Variants in PBK observed in about 807,000 individuals in gnomAD.
The protein encoded by PBK is PDZ binding kinase.
In PBK, 22 loss-of-function variants were observed where a neutral mutation model predicts 33.5. That is an observed-to-expected ratio of 0.66 (90% CI 0.47 to 0.94). The LOEUF (loss-of-function observed/expected upper bound fraction) is 0.94. Ranked by LOEUF, PBK falls within the 40% of genes least tolerant of loss-of-function variation. The pLI, the probability that PBK is intolerant of heterozygous loss-of-function variation, is 0.00. For missense variants in PBK, 376 were observed against 383.4 expected (o/e 0.98, Z 0.16); for synonymous variants, 129 against 123.8 (o/e 1.04, Z -0.28).
At chr8:27,819,033 AT>A (rs1377265948) in intron 6 of PBK, among the ~76,000 whole-genome samples, 2 of 152,108 alleles carry the variant, frequency 1.3e-5, no homozygotes, top group Non-Finnish European at 2.9e-5. Context: ...TTTGGGAACT[AT>A]TTCCTGACTC....
At chr8:27,817,611 G>A (rs1349485587) in intron 6 of PBK, among the ~76,000 whole-genome samples, 2 of 151,550 alleles carry the variant, frequency 1.3e-5, no homozygotes, top group Admixed American at 6.6e-5. Context: ...AGTTTTGCAG[G>A]AAATAATATA....
intron 2 of PBK, among the ~76,000 whole-genome samples, chr8:27,831,981 T>A (rs565576133): frequency 2.6e-5 from 4 of 152,206 alleles, no homozygotes; most frequent in Admixed American, 2.6e-4. Context: ...GATATTTCTA[T>A]TAAAAAAAGA....
intron 6 of PBK, among the ~76,000 whole-genome samples, chr8:27,817,884 A>T (rs1240053944): frequency 2.0e-5 from 3 of 152,164 alleles, no homozygotes; most frequent in Non-Finnish European, 4.4e-5. Flanking sequence ...ATGATGATTA[A>T]ATCTCCTAAA....
intron 1 of PBK, among the ~76,000 whole-genome samples, chr8:27,834,700 C>CCT (rs1342885076): frequency 6.6e-6 from 1 of 152,148 alleles, no homozygotes; most frequent in Non-Finnish European, 1.5e-5. Flanking sequence ...TCAAGACCAG[C>CCT]CTGGCCAACA....
intron 2 of PBK, 103 bp downstream of exon 2, chr8:27,832,953 G>T: frequency 1.5e-6 from 1 of 670,366 alleles, no homozygotes; most frequent in East Asian, 2.9e-5. Context: ...TTACATTAAA[G>T]TTTCTAAGTG....
chr8:27,834,827 C>T lies in PBK; in HGVS notation c.-20-1694G>A, dbSNP rs143118468. Among the ~76,000 whole-genome samples, 1,202 of 151,232 alleles carry T rather than the reference C, an allele frequency of 7.9e-3. 14 individuals carry two copies. The highest frequency in any genetic ancestry group is 0.028 in the African/African-American group (1,138 of 41,224). On this transcript the variant is annotated intron_variant, in intron 1 of 7. Coordinates refer to ENST00000301905, the MANE Select transcript of PBK (RefSeq NM_018492.4). ...AGAAGAATCGCTTGAACCTGGGAGG[C>T]GGAGGTTGCAGTGAGCAGAGATCGT...
chr8:27,811,894 TAC>T (rs888067230), intron 6 of PBK: 3 of 152,244 alleles, frequency 2.0e-5, no homozygotes, highest in African/African-American at 7.2e-5. Context: ...TGGGTTTTGG[TAC>T]TTGTAAATAG....
intron 3 of PBK, among the ~76,000 whole-genome samples, chr8:27,825,026 C>A (rs1805999591): frequency 6.6e-6 from 1 of 151,488 alleles, no homozygotes; most frequent in Admixed American, 6.6e-5. Context: ...ATTTTTTAGA[C>A]ATACAAGCCA....
At chr8:27,811,807 T>C (rs1473778141) in intron 6 of PBK, among the ~76,000 whole-genome samples, 1 of 152,228 alleles carries the variant, frequency 6.6e-6, no homozygotes, top group African/African-American at 2.4e-5. Flanking sequence ...TATATCTTAC[T>C]GAATTTTCTC....
intron 6 of PBK, chr8:27,812,234 G>GTT (rs1207694999): frequency 4.6e-5 from 7 of 152,108 alleles, no homozygotes; most frequent in African/African-American, 1.4e-4. Flanking sequence ...TAGCTGAGAG[G>GTT]TTAACTAGAT....
chr8:27,811,627 A>G (rs1805686111), intron 6 of PBK, among the ~76,000 whole-genome samples: 1 of 152,230 alleles, frequency 6.6e-6, no homozygotes, highest in South Asian at 2.1e-4. Flanking sequence ...AGAAAGAAAT[A>G]GGTCCACTCA....
intron 6 of PBK, chr8:27,812,643 A>C (rs1209701362): frequency 6.9e-6 from 1 of 144,266 alleles, no homozygotes; most frequent in East Asian, 1.9e-4. Context: ...AAAAAAAAAC[A>C]TCAAAAAGTG....
At chr8:27,836,700 C>T (rs1055119598) in intron 1 of PBK, among the ~76,000 whole-genome samples, 1 of 152,086 alleles carries the variant, frequency 6.6e-6, no homozygotes, top group African/African-American at 2.4e-5. Flanking sequence ...CCTTTTCCCG[C>T]TCACTCTACG....
intron 5 of PBK, among the ~76,000 whole-genome samples, chr8:27,821,627 A>AT (rs1324040316): frequency 6.6e-6 from 1 of 152,218 alleles, no homozygotes; most frequent in Non-Finnish European, 1.5e-5. Flanking sequence ...ATACTTATAA[A>AT]TTGGTTAACT....
At chr8:27,821,131 C>CAAAGT (rs995749570) in intron 5 of PBK, among the ~76,000 whole-genome samples, 32 of 151,310 alleles carry the variant, frequency 2.1e-4, no homozygotes, top group Admixed American at 1.1e-3. Context: ...CCCAGCATTT[C>CAAAGT]AAAGTATTTG....
In PBK at chr8:27,816,359, T is replaced by TATATATATA. The variant is rs1563489324; in HGVS notation, c.595+4205_595+4206insTATATATAT. 1.5e-3 allele frequency among the ~76,000 whole-genome samples: 196 copies of TATATATATA among 126,702 alleles called. 1 individual carries two copies. Among genetic ancestry groups the TATATATATA allele is most frequent in the African/African-American group, 5.3e-3 (168 of 31,720 alleles). 83.1% of individuals were successfully genotyped at this position (126,702 alleles called of 152,430 possible). On this transcript the variant is annotated intron_variant, in intron 6 of 7. Coordinates refer to ENST00000301905, the MANE Select transcript of PBK (RefSeq NM_018492.4). Reference sequence around the variant, plus strand: ...CATCGAATACTATATATATATATATTTATTTATTTATTTATTTATTTTAAT... The same window carrying TATATATATA: ...CATCGAATACTATATATATATATATTATATATATATATTTATTTATTTATTTATTTTAAT...
At chr8:27,823,231 G>T in intron 3 of PBK, 26 bp from the exon 4 acceptor site, 1 of 1,404,992 alleles carries the variant, frequency 7.1e-7, no homozygotes. Flanking sequence ...ATTTAAAAAG[G>T]ATAGAAAACA....
chr8:27,834,970 T>G (rs1806201371), intron 1 of PBK, among the ~76,000 whole-genome samples: 1 of 152,046 alleles, frequency 6.6e-6, no homozygotes, highest in South Asian at 2.1e-4. Context: ...TGTGTTTACT[T>G]CTTCGTAACA....
chr8:27,836,175 G>T (rs1167753050), intron 1 of PBK, among the ~76,000 whole-genome samples: 2 of 152,124 alleles, frequency 1.3e-5, no homozygotes, highest in Admixed American at 6.5e-5. Context: ...GCAGGCCCAA[G>T]CAAGTATCTA....
Sources: gnomAD v4.1 joint callset for allele counts (sites outside exome capture counted in the v4.1 genomes callset) on GRCh38, gnomAD v4.1.1 for gene constraint, MANE v1.5 for transcripts, NCBI Gene and HGNC (gene_info 2026-07-23, HGNC 2026-07-21) for gene names.